The following FRY variants were observed in gnomAD, a reference collection of about 807,000 sequenced individuals.
FRY encodes FRY microtubule binding protein.
In FRY, 128 loss-of-function variants were observed where a neutral mutation model predicts 348.4. That is an observed-to-expected ratio of 0.37 (90% CI 0.32 to 0.43). FRY has a LOEUF of 0.43. Among genes scored for constraint, FRY ranks in the 20% least tolerant of loss-of-function variants. The probability of loss-of-function intolerance (pLI) is 1.00; values close to 1 mark genes in which losing one functional copy is unlikely to be tolerated. For missense variants in FRY, 2,736 were observed against 3,695.2 expected, an observed-to-expected ratio of 0.74 and a Z score of 6.73; for synonymous variants, 1,370 against 1,374.7, an observed-to-expected ratio of 1.00 and a Z score of 0.08.
At chr13:32,278,411 A>G (rs1888644744) in intron 57 of FRY, 54 bp from the exon 58 acceptor site, 1 of 926,002 alleles carries the variant, frequency 1.1e-6, no homozygotes, top group African/African-American at 1.6e-5. Flanking sequence ...TATACCAAAA[A>G]TGTTCTCAGA....
rs1889512760 is a variant in FRY at position 32,294,137 on chromosome 13, CTTAACCT to C, written c.8581-228_8581-222del. 7.2e-5 allele frequency among the ~76,000 whole-genome samples: 11 copies of C among 152,260 alleles called. No individual in the cohort carries two copies. The South Asian group carries it at 2.3e-3, about 32-fold the overall frequency. On this transcript the variant is annotated intron_variant, in intron 59 of 60. Transcript: ENST00000542859. Reference sequence around the variant, plus strand: ...AAATAGAACACATTTTAAATGAAGTCTTAACCTTTTCTATAAGGAGAGCATCTCAGCA... The same window carrying C: ...AAATAGAACACATTTTAAATGAAGTCTTTCTATAAGGAGAGCATCTCAGCA...
intron 3 of FRY, 51 bp from the exon 4 acceptor site, chr13:32,117,283 A>G (rs769531943): frequency 3.4e-5 from 53 of 1,580,992 alleles, no homozygotes; most frequent in Admixed American, 8.4e-5. Context: ...AAAGTTTCTC[A>G]GTAATTGGCA....
At chr13:32,115,392 G>A (rs1345191246) in intron 3 of FRY, among the ~76,000 whole-genome samples, 1 of 152,154 alleles carries the variant, frequency 6.6e-6, no homozygotes, top group Non-Finnish European at 1.5e-5. Flanking sequence ...ATCACCTCAT[G>A]CAGTTCAAGC....
chr13:32,161,307 G>GAAA, intron 17 of FRY, 56 bp downstream of exon 17: 1 of 988,604 alleles, frequency 1.0e-6, no homozygotes, highest in Non-Finnish European at 1.6e-6. Flanking sequence ...TGTGACTCCT[G>GAAA]AAAAAAAAAT....
At chr13:32,119,416 A>G (rs188624500) in intron 4 of FRY, among the ~76,000 whole-genome samples, 1 of 152,376 alleles carries the variant, frequency 6.6e-6, no homozygotes, top group Non-Finnish European at 1.5e-5. Context: ...CAAACCAGCA[A>G]TAAAGTTGAA....
In FRY at chr13:32,298,850, C is replaced by G. The variant is rs1126250; in HGVS notation, c.*3390C>G. The G allele has an allele frequency of 0.3, 46,088 of 152,116 alleles. 8,442 individuals carry two copies. Among genetic ancestry groups the G allele is most frequent in the Non-Finnish European group, 0.4 (27,321 of 67,978 alleles). 9.4% of individuals were successfully genotyped at this position (152,116 alleles called of 1,614,324 possible). Reference sequence around the variant, plus strand: ...GAGTGAAGAGAGCGTTCAGAGAGGACAGCCAAAAGCTCTGTGGGCCACGGC... The same window carrying G: ...GAGTGAAGAGAGCGTTCAGAGAGGAGAGCCAAAAGCTCTGTGGGCCACGGC... On this transcript the variant is annotated 3_prime_UTR_variant, in exon 61 of 61. Transcript: ENST00000542859.
intron 17 of FRY, among the ~76,000 whole-genome samples, chr13:32,167,958 A>G (rs1881838005): frequency 6.6e-6 from 1 of 152,176 alleles, no homozygotes; most frequent in African/African-American, 2.4e-5. Flanking sequence ...CCCAGCTTTA[A>G]CCAGAGTGGC....
Position 32,239,934 on chromosome 13 carries a change from C to A in FRY, c.6687+53C>A. ...ACAGGGTCTCATTATGTTGCCCAGGCTGATCTCAACTCTTGGGCTCAAGCA... is the reference window on the plus strand; with the variant it reads ...ACAGGGTCTCATTATGTTGCCCAGGATGATCTCAACTCTTGGGCTCAAGCA... On this transcript the variant is annotated intron_variant, in intron 46 of 60. Transcript: ENST00000542859. The surrounding 1 kb of genome is among the most constrained non-coding windows in gnomAD (Gnocchi z 4.3). 6.7e-7 allele frequency: 1 copy of A among 1,488,490 alleles called. No homozygotes were observed. The highest frequency in any genetic ancestry group is 9.3e-7 in the Non-Finnish European group (1 of 1,078,254). 92.2% of individuals were successfully genotyped at this position (1,488,490 alleles called of 1,614,324 possible). A position where few individuals can be genotyped will look rare whatever the true frequency, so the allele number is the denominator to read the frequency against.
At chr13:32,228,766 G>T (rs1455080025) in intron 40 of FRY, 112 bp downstream of exon 40, 3 of 894,166 alleles carry the variant, frequency 3.4e-6, no homozygotes, top group Non-Finnish European at 3.7e-6. Flanking sequence ...ACAAAGTCCT[G>T]TTTCTCTTCT....
At chr13:32,081,572 G>A (rs1178702019) in intron 2 of FRY, among the ~76,000 whole-genome samples, 6 of 152,088 alleles carry the variant, frequency 3.9e-5, no homozygotes, top group African/African-American at 7.2e-5. Flanking sequence ...TGATCCTCCC[G>A]TCTTGGCCTC....
At chr13:32,068,473 T>G (rs1874397866) in intron 1 of FRY, among the ~76,000 whole-genome samples, 1 of 152,238 alleles carries the variant, frequency 6.6e-6, no homozygotes, top group Non-Finnish European at 1.5e-5. Context: ...AGACATTCTT[T>G]CAGGCTCTGA....
intron 2 of FRY, among the ~76,000 whole-genome samples, chr13:32,081,605 G>A (rs1406886451): frequency 6.6e-6 from 1 of 152,218 alleles, no homozygotes; most frequent in Non-Finnish European, 1.5e-5. Flanking sequence ...GATTACAGGC[G>A]TGAGCCACTA....
At chr13:32,193,072 A>G (rs150718824) in intron 28 of FRY, among the ~76,000 whole-genome samples, 1 of 151,708 alleles carries the variant, frequency 6.6e-6, no homozygotes, top group East Asian at 1.9e-4. Context: ...AGAAAGTAAC[A>G]TATGTAACCT....
intron 2 of FRY, among the ~76,000 whole-genome samples, chr13:32,083,614 T>A: frequency 6.6e-6 from 1 of 152,194 alleles, no homozygotes; most frequent in Non-Finnish European, 1.5e-5. Context: ...GAGTTATTGC[T>A]GTCCGGGGCC....
chr13:32,160,715 A>G (rs1881390588), intron 16 of FRY, among the ~76,000 whole-genome samples: 1 of 151,310 alleles, frequency 6.6e-6, no homozygotes, highest in African/African-American at 2.4e-5. Flanking sequence ...GAGAAGCATA[A>G]CTCATCAGGG....
chr13:32,206,669 C>T (rs1261762449), intron 31 of FRY, among the ~76,000 whole-genome samples: 2 of 152,186 alleles, frequency 1.3e-5, no homozygotes, highest in African/African-American at 4.8e-5. Flanking sequence ...TTAACCAGAT[C>T]AGAGGCTCCT....
At chr13:32,240,345 C>T (rs1886435087) in intron 46 of FRY, among the ~76,000 whole-genome samples, 1 of 152,186 alleles carries the variant, frequency 6.6e-6, no homozygotes, top group Admixed American at 6.5e-5. Context: ...CAGTACACGG[C>T]ACAGATCAGA....
At chr13:32,251,065 A>G (rs1353796292) in intron 49 of FRY, among the ~76,000 whole-genome samples, 3 of 152,336 alleles carry the variant, frequency 2.0e-5, no homozygotes, top group African/African-American at 7.2e-5. Flanking sequence ...AGAAAAATCT[A>G]AGAGTGGCAT....
In FRY at chr13:32,225,889, T is replaced by C. The variant is rs1885552398; in HGVS notation, c.5121T>C (p.Ala1707=). 6.2e-7 allele frequency: 1 copy of C among 1,614,150 alleles called. No individual in the cohort carries two copies. The highest frequency in any genetic ancestry group is 8.5e-7 in the Non-Finnish European group (1 of 1,179,998). The change falls in exon 39 of 61, where the codon GCT becomes GCC. Residue 1707 remains alanine (A), a synonymous_variant. Coordinates refer to ENST00000542859, the MANE Select transcript of FRY (RefSeq NM_023037.3). ...GCAACAGCAATTTCCATTCCATTGC[T>C]TCCGTGCTCCTGCAGACCCGAGAGA... ...LSCNSNFHSI[A]SVLLQTREMG... is the part of the protein sequence containing the mutation.
Sources: gnomAD v4.1 joint callset for allele counts (sites outside exome capture counted in the v4.1 genomes callset) on GRCh38, gnomAD v4.1.1 for gene constraint, Gnocchi (gnomAD v3.1) non-coding constraint, MANE v1.5 for transcripts, NCBI Gene and HGNC (gene_info 2026-07-23, HGNC 2026-07-21) for gene names.